ACSL1: variants seen among roughly 807,000 people sequenced by gnomAD.
ACSL1 encodes the protein long-chain-fatty-acid--CoA ligase 1.
Under a neutral mutation model 98.4 loss-of-function variants are expected in ACSL1, and 41 were observed. The ratio of observed to expected loss-of-function variants is 0.42; its 90% CI spans 0.32 to 0.54. The LOEUF (loss-of-function observed/expected upper bound fraction) is 0.54. Among genes scored for constraint, ACSL1 ranks in the 20% least tolerant of loss-of-function variants. The pLI is 0.13. For missense variants in ACSL1, 734 were observed against 883.1 expected (o/e 0.83, Z 2.14); for synonymous variants, 316 against 322.7 (o/e 0.98, Z 0.22).
chr4:184,818,005 C>G (rs1371856214), intron 1 of ACSL1, among the ~76,000 whole-genome samples: 3 of 152,172 alleles, frequency 2.0e-5, no homozygotes, highest in Non-Finnish European at 4.4e-5. Flanking sequence ...GAGAAAAGCA[C>G]AGACTGGCTG....
In ACSL1 at chr4:184,805,556, G is replaced by T. The variant is rs564603283; in HGVS notation, c.-32-2010C>A. ...TGTGCCACCAACAGCTGACTACTAG[G>T]TGACACCCCACTGCAGACACAGAAG... On this transcript the variant is annotated intron_variant, in intron 1 of 20. Coordinates refer to ENST00000281455, the MANE Select transcript of ACSL1 (RefSeq NM_001995.5). 3.1e-6 allele frequency: 3 copies of T among 982,670 alleles called. No individual in the cohort carries two copies. In the African/African-American group the frequency reaches 5.2e-5, roughly 17 times the overall value. The allele number at this position is 982,670 out of a possible 1,614,324, so 60.9% of individuals were successfully genotyped here.
intron 16 of ACSL1, 70 bp from the exon 17 acceptor site, chr4:184,762,593 G>C: frequency 7.8e-7 from 1 of 1,280,768 alleles, no homozygotes; most frequent in Non-Finnish European, 1.1e-6. Flanking sequence ...GTGTGTGCAT[G>C]TGTGTACGTG....
intron 2 of ACSL1, among the ~76,000 whole-genome samples, chr4:184,790,385 C>T (rs1227648169): frequency 6.6e-6 from 1 of 152,106 alleles, no homozygotes; most frequent in Non-Finnish European, 1.5e-5. Context: ...TATGCTTATA[C>T]ATTTATAGAC....
At chr4:184,809,788 T>G (rs1771861086) in intron 1 of ACSL1, among the ~76,000 whole-genome samples, 1 of 152,176 alleles carries the variant, frequency 6.6e-6, no homozygotes, top group African/African-American at 2.4e-5. Flanking sequence ...AGAGCGAGAC[T>G]CTGTCTCAAA....
intron 1 of ACSL1, chr4:184,812,297 C>G (rs1278722244): frequency 5.6e-6 from 5 of 893,286 alleles, no homozygotes; most frequent in Non-Finnish European, 6.7e-6. Context: ...TCTACTGAGT[C>G]ATGAATGACC....
At chr4:184,801,072 T>C (rs1374793794) in intron 2 of ACSL1, among the ~76,000 whole-genome samples, 1 of 152,156 alleles carries the variant, frequency 6.6e-6, no homozygotes, top group African/African-American at 2.4e-5. Context: ...CCCATGCTGG[T>C]CTCAAACTCC....
chr4:184,817,048 T>A (rs1344138418), intron 1 of ACSL1, among the ~76,000 whole-genome samples: 1 of 152,092 alleles, frequency 6.6e-6, no homozygotes, highest in African/African-American at 2.4e-5. Flanking sequence ...AAAACCCTGA[T>A]CCCAATGAGG....
chr4:184,765,812 C>T (rs1336292391), intron 14 of ACSL1, 79 bp downstream of exon 14: 6 of 1,180,504 alleles, frequency 5.1e-6, no homozygotes, highest in Non-Finnish European at 7.4e-6. Context: ...CACACACACA[C>T]AGTACAGATG....
At chr4:184,785,301 A>AT (rs1234171050) in intron 3 of ACSL1, among the ~76,000 whole-genome samples, 1 of 152,108 alleles carries the variant, frequency 6.6e-6, no homozygotes, top group Non-Finnish European at 1.5e-5. Flanking sequence ...AGGCTCTAGA[A>AT]TTTTTTATTC....
chr4:184,776,664 T>G lies in ACSL1; in HGVS notation c.578-2A>C. ...CAACAAAAACCAGAGAGAGTTCAGC[T>G]GTAAATGAAGAGATACAATGAAGAA... On this transcript the variant is annotated splice_acceptor_variant, in intron 6 of 20. Coordinates refer to ENST00000281455, the MANE Select transcript of ACSL1 (RefSeq NM_001995.5). LOFTEE classifies it high-confidence loss of function. 6.2e-7 allele frequency: 1 copy of G among 1,608,646 alleles called. No individual in the cohort carries two copies. The highest frequency in any genetic ancestry group is 8.5e-7 in the Non-Finnish European group (1 of 1,179,240).
intron 1 of ACSL1, chr4:184,821,385 G>A (rs1773059792): frequency 7.8e-6 from 2 of 256,752 alleles, no homozygotes; most frequent in Admixed American, 4.9e-5. Context: ...AGCAGCCAAA[G>A]CTGTGCTAAT....
intron 1 of ACSL1, among the ~76,000 whole-genome samples, chr4:184,819,636 T>G (rs1772907161): frequency 1.3e-5 from 2 of 152,104 alleles, no homozygotes; most frequent in South Asian, 2.1e-4. Context: ...CGCCAGAGTT[T>G]GCTTTCTAGA....
intron 3 of ACSL1, among the ~76,000 whole-genome samples, chr4:184,784,688 C>T (rs1254390259): frequency 6.6e-6 from 1 of 152,144 alleles, no homozygotes. Flanking sequence ...CGTGAGGAGG[C>T]TCTGATTTGA....
At chr4:184,805,965 G>GT (rs1579952195) in intron 1 of ACSL1, among the ~76,000 whole-genome samples, 1 of 152,252 alleles carries the variant, frequency 6.6e-6, no homozygotes, top group East Asian at 1.9e-4. Flanking sequence ...TCTAACCAAG[G>GT]TAAGGCATAC....
chr4:184,819,159 T>G (rs1324768474), intron 1 of ACSL1, among the ~76,000 whole-genome samples: 13 of 144,824 alleles, frequency 9.0e-5, no homozygotes, highest in African/African-American at 3.4e-4. Flanking sequence ...TTTTTTTTTT[T>G]GGAGACAGAG....
chr4:184,797,030 T>C (rs1279762103), intron 2 of ACSL1, among the ~76,000 whole-genome samples: 2 of 152,178 alleles, frequency 1.3e-5, no homozygotes, highest in Admixed American at 6.5e-5. Flanking sequence ...GACACCACCA[T>C]CCAACTCAAC....
chr4:184,794,208 A>G (rs1768930062), intron 2 of ACSL1, among the ~76,000 whole-genome samples: 1 of 152,240 alleles, frequency 6.6e-6, no homozygotes, highest in Admixed American at 6.5e-5. Context: ...TTGTAAAGAC[A>G]CAAAACTACT....
At chr4:184,790,220 G>T (rs1768113419) in intron 2 of ACSL1, among the ~76,000 whole-genome samples, 1 of 152,096 alleles carries the variant, frequency 6.6e-6, no homozygotes. Flanking sequence ...TTTTTATTAG[G>T]ATTATCCATT....
At chr4:184,778,066 T>G (rs528860613) in intron 5 of ACSL1, among the ~76,000 whole-genome samples, 5 of 152,234 alleles carry the variant, frequency 3.3e-5, no homozygotes, top group African/African-American at 9.6e-5. Flanking sequence ...AGGAAAGAAG[T>G]GAGACAATAA....
Sources: allele counts gnomAD v4.1 joint callset (sites outside exome capture counted in the v4.1 genomes callset), GRCh38; gene constraint gnomAD v4.1.1; transcripts MANE v1.5; gene names NCBI Gene and HGNC (gene_info 2026-07-23, HGNC 2026-07-21).